Variants in MMP12 observed in about 807,000 individuals in gnomAD.
MMP12 encodes the protein matrix metallopeptidase 12.
A neutral mutation model predicts 45.2 loss-of-function variants in MMP12; 51 were observed. The ratio of observed to expected loss-of-function variants is 1.13; its 90% CI spans 0.90 to 1.42. The LOEUF is 1.42. MMP12 is among the 40% of genes most tolerant of loss of function. The pLI, the probability that MMP12 is intolerant of heterozygous loss-of-function variation, is 0.00. For synonymous variants in MMP12, 210 were observed against 193.3 expected, an observed-to-expected ratio of 1.09 and a Z score of -0.72; for missense variants, 530 against 570.8, an observed-to-expected ratio of 0.93 and a Z score of 0.73.
At chr11:102,872,817 G>A (rs782350715) in intron 2 of MMP12, 48 bp downstream of exon 2, 1 of 1,598,926 alleles carries the variant, frequency 6.3e-7, no homozygotes, top group South Asian at 1.1e-5. Flanking sequence ...TTAGAAGTCA[G>A]ACCTATGGGA....
Position 102,874,846 on chromosome 11 carries a change from A to T in MMP12, c.92T>A (p.Leu31Gln), listed in dbSNP as rs1555009865. Residue 31 changes from leucine to glutamine, a missense_variant, in exon 1 of 10, where the codon CTA (leucine) becomes CAA (glutamine). Transcript: ENST00000571244. ...SSTSLEKNNV[L>Q]FGERYLEKFY... is the part of the protein sequence containing the mutation. ...AGTGTCCATACTTACTTCACCAAATAGCACATTATTTTTTTCCAGGCTTGT... is the reference window on the plus strand; with the variant it reads ...AGTGTCCATACTTACTTCACCAAATTGCACATTATTTTTTTCCAGGCTTGT... 1.3e-6 allele frequency: 2 copies of T among 1,598,544 alleles called. No individual in the cohort carries two copies. Among genetic ancestry groups the T allele is most frequent in the Non-Finnish European group, 1.7e-6 (2 of 1,170,702 alleles).
In MMP12 at chr11:102,872,996, C is replaced by G. The variant is rs1387187953; in HGVS notation, c.219G>C (p.Leu73=). Residue 73 remains leucine (L), a synonymous_variant, in exon 2 of 10, where the codon CTG becomes CTC. Coordinates refer to ENST00000571244, the MANE Select transcript of MMP12 (RefSeq NM_002426.6). ...KIQEMQHFLG[L]KVTGQLDTST... Reference sequence around the variant, plus strand: ...ATGTGTCCAGTTGCCCGGTCACTTTCAGACCCAAGAAGTGCTGCATTTCTT... The same window carrying G: ...ATGTGTCCAGTTGCCCGGTCACTTTGAGACCCAAGAAGTGCTGCATTTCTT... The G allele has an allele frequency of 6.2e-7, 1 of 1,613,480 alleles. No individual in the cohort carries two copies. The highest frequency in any genetic ancestry group is 2.2e-5 in the East Asian group (1 of 44,858).
chr11:102,867,805 A>T (rs1555008786), intron 5 of MMP12, 103 bp downstream of exon 5: 3 of 1,263,584 alleles, frequency 2.4e-6, no homozygotes, highest in African/African-American at 1.5e-5. Context: ...TATGCGGCTT[A>T]AAAAAAGACA....
intron 8 of MMP12, 34 bp from the exon 9 acceptor site, chr11:102,864,286 A>G (rs782166746): frequency 6.7e-7 from 1 of 1,483,502 alleles, no homozygotes; most frequent in African/African-American, 1.4e-5. Flanking sequence ...GAACTCAATC[A>G]GAAAGTGGCT....
At chr11:102,863,243 A>T in intron 9 of MMP12, 43 bp from the exon 10 acceptor site, 7 of 1,046,992 alleles carry the variant, frequency 6.7e-6, no homozygotes, top group Non-Finnish European at 8.8e-6. Context: ...CCCTCCCTGT[A>T]TTTCTTTACA....
chr11:102,863,817 G>C (rs563128157), intron 9 of MMP12, among the ~76,000 whole-genome samples: 6 of 152,342 alleles, frequency 3.9e-5, no homozygotes, highest in African/African-American at 1.4e-4. Flanking sequence ...GACTGCCTGA[G>C]TCTTGGCTGC....
chr11:102,867,799 C>A (rs540058491), intron 5 of MMP12, 109 bp downstream of exon 5: 5 of 1,165,884 alleles, frequency 4.3e-6, no homozygotes, highest in African/African-American at 1.5e-5. Flanking sequence ...GGTTCTTATG[C>A]GGCTTAAAAA....
At chr11:102,868,305 A>G (rs1011273828) in intron 4 of MMP12, among the ~76,000 whole-genome samples, 1 of 152,194 alleles carries the variant, frequency 6.6e-6, no homozygotes, top group Non-Finnish European at 1.5e-5. Flanking sequence ...CAAGTAGCAA[A>G]TCCTTTTTAG....
intron 4 of MMP12, 34 bp downstream of exon 4, chr11:102,871,560 G>GT (rs1237988425): frequency 1.3e-6 from 2 of 1,547,232 alleles, no homozygotes; most frequent in Non-Finnish European, 1.7e-6. Context: ...TGTTTGCTTA[G>GT]TTTTTTGTTT....
chr11:102,872,518 T>C (rs28360361), intron 2 of MMP12, among the ~76,000 whole-genome samples: 13 of 152,250 alleles, frequency 8.5e-5, no homozygotes, highest in African/African-American at 3.1e-4. Context: ...TTTTTTTGTG[T>C]GTTTAGTAAA....
intron 4 of MMP12, among the ~76,000 whole-genome samples, chr11:102,869,923 A>G (rs1859462967): frequency 1.3e-5 from 2 of 152,342 alleles, no homozygotes; most frequent in Admixed American, 6.5e-5. Flanking sequence ...CATCTCAAAA[A>G]AAGCAAATAA....
At chr11:102,872,678 C>A (rs1859521956) in intron 2 of MMP12, among the ~76,000 whole-genome samples, 187 bp downstream of exon 2, 1 of 152,092 alleles carries the variant, frequency 6.6e-6, no homozygotes, top group African/African-American at 2.4e-5. Flanking sequence ...GACTGGCAAG[C>A]CAAACAATTC....
rs782088807 is a variant in MMP12, at chr11:102,864,163, A to G, written c.1295T>C (p.Val432Ala). 3 of 1,611,400 alleles carry G rather than the reference A, an allele frequency of 1.9e-6. No individual in the cohort carries two copies. Among genetic ancestry groups the G allele is most frequent in the South Asian group, 2.2e-5 (2 of 90,998 alleles). ...CTACTTACTGTTTTTAGAGTAGAAGACTGCATCAATTTTAGGCCCGATTCC... is the reference window on the plus strand; with the variant it reads ...CTACTTACTGTTTTTAGAGTAGAAGGCTGCATCAATTTTAGGCCCGATTCC... The part of the protein sequence containing the change: ...FQGIGPKIDA[V>A]FYSKNKYYYF... The change falls in exon 9 of 10, where the codon GTC (valine) becomes GCC (alanine). Residue 432 changes from valine to alanine, a missense_variant. Coordinates refer to ENST00000571244, the MANE Select transcript of MMP12 (RefSeq NM_002426.6).
chr11:102,870,616 G>A (rs1555009215), intron 4 of MMP12, among the ~76,000 whole-genome samples: 1 of 152,100 alleles, frequency 6.6e-6, no homozygotes, highest in African/African-American at 2.4e-5. Flanking sequence ...ATGATGGTTA[G>A]GGTTTTCCCA....
In MMP12 at chr11:102,871,705, G is replaced by A; in HGVS notation, c.514C>T (p.His172Tyr). The A allele has an allele frequency of 6.2e-7, 1 of 1,610,510 alleles. No individual in the cohort carries two copies. The highest frequency in any genetic ancestry group is 8.5e-7 in the Non-Finnish European group (1 of 1,178,194). ...VFARGAHGDF[H>Y]AFDGKGGILA... ...ATTCCACCTTTGCCATCAAAAGCAT[G>A]GAAGTCTCCATGAGCTTTTGGAAAA... Residue 172 changes from histidine to tyrosine, a missense_variant, in exon 4 of 10, where the codon CAT (histidine) becomes TAT (tyrosine). His to Tyr is a moderately conservative substitution (Grantham distance 83). Coordinates refer to ENST00000571244, the MANE Select transcript of MMP12 (RefSeq NM_002426.6).
chr11:102,871,807 C>T lies in MMP12; in HGVS notation c.496G>A (p.Gly166Arg). 6.2e-7 allele frequency: 1 copy of T among 1,613,002 alleles called. No individual in the cohort carries two copies. The highest frequency in any genetic ancestry group is 2.2e-5 in the East Asian group (1 of 44,870). ...MADILVVFAR[G>R]AHGDFHAFDG... ...AGATGAAATACAAGTTCCCTACCTC[C>T]ACGGGCAAAAACCACCAAAATGTCA... Residue 166 changes from glycine (G) to arginine (R), a missense_variant, in exon 3 of 10, where the codon GGA (glycine) becomes AGA (arginine). Physicochemically the swap from Gly to Arg is moderately radical, Grantham distance 125. Coordinates refer to ENST00000571244, the MANE Select transcript of MMP12 (RefSeq NM_002426.6).
rs1555009417 is a variant in MMP12 at position 102,871,877 on chromosome 11, A to G, written c.426T>C (p.Ser142=). ...TGCTGAATTTCAAGGGGGTAACATT[A>G]CTCCATACTTGGAAAGCTTTCCGGA... ...YAIRKAFQVW[S]NVTPLKFSKI... The change falls in exon 3 of 10, where the codon AGT becomes AGC. Residue 142 remains serine (S), a synonymous_variant. Coordinates refer to ENST00000571244, the MANE Select transcript of MMP12 (RefSeq NM_002426.6). 6.2e-7 allele frequency: 1 copy of G among 1,613,752 alleles called. No homozygotes were observed. The highest frequency in any genetic ancestry group is 8.5e-7 in the Non-Finnish European group (1 of 1,179,782).
Position 102,865,934 on chromosome 11 carries a change from A to G in MMP12, c.1047T>C (p.Asp349=). Residue 349 remains aspartate (D), a splice_region_variant and synonymous_variant, in exon 8 of 10, where the codon GAT becomes GAC. Coordinates refer to ENST00000571244, the MANE Select transcript of MMP12 (RefSeq NM_002426.6). This position sits in a 1 kb window ranked among gnomAD's most constrained non-coding sequence, Gnocchi z 4.1. ...AATTGCTAATTAACCAGTATTTGTC[A>G]TCTGTGAAGACAAAGAAATAGGGTA... ...EARNQVFLFK[D]DKYWLISNLR... 1 of 1,603,818 alleles carries G rather than the reference A, an allele frequency of 6.2e-7. No homozygotes were observed. Among genetic ancestry groups the G allele is most frequent in the Non-Finnish European group, 8.5e-7 (1 of 1,173,262 alleles).
chr11:102,870,997 C>A (rs1364260199), intron 4 of MMP12, among the ~76,000 whole-genome samples: 3 of 152,132 alleles, frequency 2.0e-5, no homozygotes, highest in Admixed American at 6.6e-5. Context: ...CCTAGGCTGC[C>A]TGCAATCTTA....
Sources: allele counts gnomAD v4.1 joint callset (sites outside exome capture counted in the v4.1 genomes callset), GRCh38; gene constraint gnomAD v4.1.1; non-coding constraint Gnocchi (gnomAD v3.1); transcripts MANE v1.5; gene names NCBI Gene and HGNC (gene_info 2026-07-23, HGNC 2026-07-21).